The following TFCP2L1 variants were observed in gnomAD, a reference collection of about 807,000 sequenced individuals.
The protein encoded by TFCP2L1 is transcription factor CP2-like protein 1.
A neutral mutation model predicts 72.2 loss-of-function variants in TFCP2L1; 12 were observed. The observed-to-expected ratio is 0.17, with a 90% CI of 0.11 to 0.27. The LOEUF (loss-of-function observed/expected upper bound fraction) is 0.27. Ranked by LOEUF, TFCP2L1 falls within the 10% of genes least tolerant of loss-of-function variation. The pLI is 1.00. For synonymous variants in TFCP2L1, 260 were observed against 251.0 expected, an observed-to-expected ratio of 1.04 and a Z score of -0.34; for missense variants, 488 against 624.6, an observed-to-expected ratio of 0.78 and a Z score of 2.33.
At chr2:121,283,650 G>A (rs1490350937) in intron 1 of TFCP2L1, among the ~76,000 whole-genome samples, 1 of 152,234 alleles carries the variant, frequency 6.6e-6, no homozygotes, top group East Asian at 1.9e-4. Context: ...CTAACGGGGT[G>A]AGGACATTGT....
intron 14 of TFCP2L1, 33 bp downstream of exon 14, chr2:121,225,529 C>G (rs534410184): frequency 1.9e-6 from 3 of 1,612,514 alleles, no homozygotes; most frequent in East Asian, 2.2e-5. Flanking sequence ...CACCTGCCCC[C>G]ACAACTACCC....
At chr2:121,226,746 T>C (rs114007748) in intron 13 of TFCP2L1, among the ~76,000 whole-genome samples, 2,881 of 152,252 alleles carry the variant, frequency 0.019, 108 homozygotes, top group African/African-American at 0.065. Context: ...GATTTAATGA[T>C]AAAAATATAA....
chr2:121,284,968 C>A, intron 1 of TFCP2L1, 80 bp downstream of exon 1: 1 of 1,273,922 alleles, frequency 7.8e-7, no homozygotes, highest in South Asian at 1.8e-5. Context: ...AGGGGCGCCC[C>A]CTCTCCGCCC....
chr2:121,235,191 G>A, intron 11 of TFCP2L1, 30 bp downstream of exon 11: 1 of 1,612,042 alleles, frequency 6.2e-7, no homozygotes, highest in Non-Finnish European at 8.5e-7. Context: ...ATGAGCCTCT[G>A]GCTGGCTTCA....
intron 1 of TFCP2L1, 37 bp downstream of exon 1, chr2:121,285,011 C>A: frequency 6.9e-7 from 1 of 1,449,772 alleles, no homozygotes; most frequent in Non-Finnish European, 9.1e-7. Flanking sequence ...CCCGCCGGCC[C>A]GGCCCGAGAC....
chr2:121,237,330 C>G (rs920047694), intron 10 of TFCP2L1, among the ~76,000 whole-genome samples: 6 of 152,232 alleles, frequency 3.9e-5, no homozygotes, highest in Admixed American at 6.5e-5. Flanking sequence ...TAAGGGGACT[C>G]TTCCTGGACA....
intron 7 of TFCP2L1, chr2:121,240,200 T>C (rs1686340380): frequency 3.0e-6 from 3 of 985,208 alleles, no homozygotes; most frequent in Non-Finnish European, 3.6e-6. Context: ...GTTCATTCCA[T>C]TTCAGGCATT....
chr2:121,270,804 G>C (rs2104751329), intron 2 of TFCP2L1, among the ~76,000 whole-genome samples: 1 of 151,960 alleles, frequency 6.6e-6, no homozygotes, highest in Middle Eastern at 3.4e-3. Flanking sequence ...AAGAGCTCTA[G>C]GCTGCAGTGA....
At chr2:121,276,104 A>G (rs1687141223) in intron 2 of TFCP2L1, among the ~76,000 whole-genome samples, 1 of 152,166 alleles carries the variant, frequency 6.6e-6, no homozygotes, top group African/African-American at 2.4e-5. Flanking sequence ...TCTGAGATAC[A>G]TGTGCAGAAC....
chr2:121,262,429 A>T (rs1245291128), intron 2 of TFCP2L1, among the ~76,000 whole-genome samples: 1 of 152,174 alleles, frequency 6.6e-6, no homozygotes. Context: ...GCACCACTGC[A>T]CTCCAGCCTG....
chr2:121,246,463 C>G (rs1329025454), intron 6 of TFCP2L1, among the ~76,000 whole-genome samples: 2 of 151,074 alleles, frequency 1.3e-5, no homozygotes, highest in East Asian at 1.9e-4. Flanking sequence ...ACGTGAGCAC[C>G]TGTGGGCAAC....
At chr2:121,240,114 A>T in intron 7 of TFCP2L1, 2 of 985,380 alleles carry the variant, frequency 2.0e-6, no homozygotes, top group Non-Finnish European at 2.4e-6. Flanking sequence ...TGCTATTTGA[A>T]AAAAGAATCT....
chr2:121,265,722 G>T (rs1445340223), intron 2 of TFCP2L1, among the ~76,000 whole-genome samples: 1 of 152,128 alleles, frequency 6.6e-6, no homozygotes, highest in Non-Finnish European at 1.5e-5. Context: ...GACCTCAGAA[G>T]ATCCGCCTGC....
chr2:121,262,328 G>A (rs2104732089), intron 2 of TFCP2L1, among the ~76,000 whole-genome samples: 1 of 152,234 alleles, frequency 6.6e-6, no homozygotes, highest in East Asian at 1.9e-4. Flanking sequence ...AGCCGGGCGT[G>A]GTGGCGGGCG....
At chr2:121,269,172 C>T (rs750899848) in intron 2 of TFCP2L1, among the ~76,000 whole-genome samples, 6 of 151,966 alleles carry the variant, frequency 3.9e-5, no homozygotes, top group South Asian at 2.1e-4. Context: ...TATGGCTGGG[C>T]GCAGTGGCTT....
chr2:121,281,333 G>A (rs1052597731), intron 1 of TFCP2L1, 62 bp from the exon 2 acceptor site: 93 of 1,518,698 alleles, frequency 6.1e-5, no homozygotes, highest in Non-Finnish European at 7.8e-5. Flanking sequence ...CACAGAGCCA[G>A]GGCGAAGCTA....
intron 2 of TFCP2L1, among the ~76,000 whole-genome samples, chr2:121,261,573 A>C (rs1686829845): frequency 6.6e-6 from 1 of 152,250 alleles, no homozygotes; most frequent in Non-Finnish European, 1.5e-5. Context: ...ATAGTAAGTG[A>C]ATAAATAAGT....
chr2:121,281,620 T>C (rs1217372883), intron 1 of TFCP2L1, among the ~76,000 whole-genome samples: 1 of 152,216 alleles, frequency 6.6e-6, no homozygotes, highest in African/African-American at 2.4e-5. Context: ...ATTTGGTTTC[T>C]ATCCACAAGC....
At chr2:121,260,109 T>C (rs1443060089) in intron 2 of TFCP2L1, among the ~76,000 whole-genome samples, 2 of 151,970 alleles carry the variant, frequency 1.3e-5, no homozygotes, top group African/African-American at 4.8e-5. Flanking sequence ...CATTGAGAGA[T>C]CACCCTGAAG....
Sources: allele counts gnomAD v4.1 joint callset (sites outside exome capture counted in the v4.1 genomes callset), GRCh38; gene constraint gnomAD v4.1.1; transcripts MANE v1.5; gene names NCBI Gene and HGNC (gene_info 2026-07-23, HGNC 2026-07-21).